The following ZNF814 variants were observed in gnomAD, a reference collection of about 807,000 sequenced individuals.
ZNF814 encodes zinc finger protein 814.
A neutral mutation model predicts 7.5 loss-of-function variants in ZNF814; 5 were observed. The ratio of observed to expected loss-of-function variants is 0.67; its 90% CI spans 0.35 to 1.40. ZNF814 has a LOEUF of 1.40. ZNF814 is among the 40% of genes most tolerant of loss of function. The probability of loss-of-function intolerance (pLI) is 0.04; values close to 1 mark genes in which losing one functional copy is unlikely to be tolerated. For missense variants in ZNF814, 962 were observed against 1,018.0 expected, an observed-to-expected ratio of 0.94 and a Z score of 0.75; for synonymous variants, 315 against 340.7, an observed-to-expected ratio of 0.92 and a Z score of 0.83.
chr19:57,883,448 G>T (rs2071664729), intron 1 of ZNF814, among the ~76,000 whole-genome samples: 1 of 151,726 alleles, frequency 6.6e-6, no homozygotes, highest in Non-Finnish European at 1.5e-5. Context: ...GGATCATGAG[G>T]TCAAGAGATC....
the ZNF814 span, among the ~76,000 whole-genome samples, chr19:57,904,335 G>A: frequency 6.6e-6 from 1 of 152,078 alleles, no homozygotes; most frequent in Non-Finnish European, 1.5e-5. Flanking sequence ...CTAGAGCTCA[G>A]GGCCTTTGCA....
At chr19:57,897,282 C>T in the ZNF814 span, among the ~76,000 whole-genome samples, 2 of 152,090 alleles carry the variant, frequency 1.3e-5, no homozygotes, top group African/African-American at 4.8e-5. Context: ...TTGGGGGTAA[C>T]TTACACAAGG....
intron 1 of ZNF814, among the ~76,000 whole-genome samples, chr19:57,887,387 T>C (rs1568522098): frequency 6.6e-6 from 1 of 152,194 alleles, no homozygotes. Flanking sequence ...TGCAGGCCAA[T>C]TGCCCACCAA....
upstream of ZNF814, among the ~76,000 whole-genome samples, chr19:57,893,156 C>A (rs941033667): frequency 6.8e-6 from 1 of 147,158 alleles, no homozygotes; most frequent in African/African-American, 2.5e-5. Context: ...GTAAGAATTT[C>A]TTTTTTGTTA....
chr19:57,878,479 G>A (rs913378470), intron 1 of ZNF814, among the ~76,000 whole-genome samples: 1 of 70,316 alleles, frequency 1.4e-5, no homozygotes, highest in Non-Finnish European at 2.8e-5. Context: ...TTTTTTTTTT[G>A]TGATGGAGTC....
Position 57,874,755 on chromosome 19 carries a change from G to C in ZNF814, c.635C>G (p.Ala212Gly). Reference sequence around the variant, plus strand: ...CATGGATTCTCCACAGCTGTAGTGAGCTCCCCCACACTGAATGGGAGACAC... The same window carrying C: ...CATGGATTCTCCACAGCTGTAGTGACCTCCCCCACACTGAATGGGAGACAC... The part of the protein sequence containing the change: ...ECVSPIQCGG[A>G]HYSCGESMKH... The change falls in exon 3 of 3, where the codon GCT becomes GGT. Residue 212 changes from alanine to glycine, a missense_variant. This residue lies in a region of ZNF814 where 126 missense variants were observed against 123.5 expected (regional missense o/e 1.02). Transcript: ENST00000435989. 2.5e-6 allele frequency: 4 copies of C among 1,613,276 alleles called. No homozygotes were observed. The highest frequency in any genetic ancestry group is 3.4e-6 in the Non-Finnish European group (4 of 1,179,594).
At chr19:57,897,716 A>G in the ZNF814 span, among the ~76,000 whole-genome samples, 3 of 152,196 alleles carry the variant, frequency 2.0e-5, no homozygotes, top group Non-Finnish European at 2.9e-5. Flanking sequence ...GAAGGTCCCC[A>G]TGGGTGTTAG....
intron 1 of ZNF814, among the ~76,000 whole-genome samples, chr19:57,879,575 G>A (rs979984802): frequency 1.0e-4 from 15 of 147,376 alleles, no homozygotes; most frequent in African/African-American, 3.7e-4. Flanking sequence ...CTCCAAAATG[G>A]GACCCATGGC....
the ZNF814 span, among the ~76,000 whole-genome samples, chr19:57,899,994 C>T: frequency 3.3e-5 from 5 of 152,174 alleles, no homozygotes; most frequent in Non-Finnish European, 7.3e-5. Flanking sequence ...GTTTTGTTGG[C>T]ATTCTTGATA....
At chr19:57,880,641 C>G (rs1449679543) in intron 1 of ZNF814, among the ~76,000 whole-genome samples, 1 of 129,434 alleles carries the variant, frequency 7.7e-6, no homozygotes, top group Non-Finnish European at 1.5e-5. Flanking sequence ...GAGTCTCGCT[C>G]TGTCACCAGG....
Position 57,873,976 on chromosome 19 carries a change from A to C in ZNF814, c.1414T>G (p.Ser472Ala). The C allele has an allele frequency of 6.2e-7, 1 of 1,613,948 alleles. No homozygotes were observed. The highest frequency in any genetic ancestry group is 1.7e-5 in the Admixed American group (1 of 60,000). The change falls in exon 3 of 3, where the codon TCT becomes GCT. Residue 472 changes from serine (S) to alanine (A), a missense_variant. This residue lies in a region of ZNF814 where 665 missense variants were observed against 551.4 expected (regional missense o/e 1.21). Transcript: ENST00000435989. ...ACAAGGCTGCGCTTATGACTGAAAG[A>C]TTTCACACATTCTCCACACTTGAAA... ...RPFKCGECVK[S>A]FSHKRSLVHH... is the part of the protein sequence containing the mutation.
rs955529818 is a variant in ZNF814, at chr19:57,879,156, T to C, written c.37-2114A>G. On this transcript the variant is annotated intron_variant, in intron 1 of 2. Transcript: ENST00000435989. ...ATATTACCACAGAACTGCAATTCTA[T>C]TGGATCCTAAAAGGAGCGGTGGTCT... 2.2e-4 allele frequency among the ~76,000 whole-genome samples: 32 copies of C among 146,890 alleles called. 1 individual carries two copies. The highest frequency in any genetic ancestry group is 1.5e-5 in the Non-Finnish European group (1 of 67,064).
Position 57,873,628 on chromosome 19 carries a change from T to C in ZNF814, c.1762A>G (p.Ile588Val), listed in dbSNP as rs765927088. ...CGCTGATGGCTCCTAAGGTGCCCGA[T>C]TGAACTAAAAGATTTCCCACATTCT... The part of the protein sequence containing the change: ...CGECGKSFSS[I>V]GHLRSHQRVH... Residue 588 changes from isoleucine to valine, a missense_variant, in exon 3 of 3, where the codon ATC (isoleucine) becomes GTC (valine). Coordinates refer to ENST00000435989, the MANE Select transcript of ZNF814 (RefSeq NM_001144989.2). 4.8e-5 allele frequency: 78 copies of C among 1,613,862 alleles called. 1 individual carries two copies. The highest frequency in any genetic ancestry group is 6.7e-5 in the African/African-American group (5 of 74,940).
chr19:57,901,017 T>G, the ZNF814 span, among the ~76,000 whole-genome samples: 2 of 151,720 alleles, frequency 1.3e-5, no homozygotes, highest in African/African-American at 4.8e-5. Context: ...CGGCTAATTT[T>G]TTTTGTATTT....
chr19:57,874,300 A>G lies in ZNF814; in HGVS notation c.1090T>C (p.Tyr364His), dbSNP rs1425113476. The G allele has an allele frequency of 6.3e-7, 1 of 1,595,040 alleles. No individual in the cohort carries two copies. Among genetic ancestry groups the G allele is most frequent in the Non-Finnish European group, 8.5e-7 (1 of 1,172,090 alleles). ...CGECGKSFSK[Y>H]VSFSNHQRVH... Reference sequence around the variant, plus strand: ...CTCTGATGATTACTGAAGCTAACATATTTGCTAAAGGATTTCCCACATTCT... The same window carrying G: ...CTCTGATGATTACTGAAGCTAACATGTTTGCTAAAGGATTTCCCACATTCT... Residue 364 changes from tyrosine to histidine, a missense_variant, in exon 3 of 3, where the codon TAT becomes CAT. By Grantham distance (83) the Tyr-to-His change is moderately conservative (BLOSUM62 2). Around this residue, in one of 7 missense-constraint regions of ZNF814, gnomAD observed 0 missense variants for 21.6 expected, o/e 0.00. Transcript: ENST00000435989.
At position 57,873,710 on chromosome 19, in the gene ZNF814, T is replaced by C; in HGVS notation, c.1680A>G (p.Lys560=). 6.2e-7 allele frequency: 1 copy of C among 1,612,840 alleles called. No individual in the cohort carries two copies. Among genetic ancestry groups the C allele is most frequent in the East Asian group, 2.2e-5 (1 of 44,736 alleles). ...CTCGCTGATGTAGAATGAGGGTGCC[T>C]TTATGACTAAAAGATTTCCCACACT... The part of the protein sequence containing the change: ...CGECGKSFSH[K]GTLILHQRVH... Residue 560 remains lysine (K), a synonymous_variant, in exon 3 of 3, where the codon AAA becomes AAG. Coordinates refer to ENST00000435989, the MANE Select transcript of ZNF814 (RefSeq NM_001144989.2).
At chr19:57,876,775 A>C in intron 2 of ZNF814, 141 bp downstream of exon 2, 1 of 1,416,180 alleles carries the variant, frequency 7.1e-7, no homozygotes, top group Non-Finnish European at 9.5e-7. Flanking sequence ...TACACCTCAG[A>C]CCTACCAACC....
chr19:57,893,698 C>T (rs1042945650), upstream of ZNF814, among the ~76,000 whole-genome samples: 3 of 151,378 alleles, frequency 2.0e-5, no homozygotes, highest in Admixed American at 6.6e-5. Context: ...GTGGGCAGAT[C>T]ACTTGAGGCC....
At chr19:57,899,039 C>T in the ZNF814 span, among the ~76,000 whole-genome samples, 3 of 152,048 alleles carry the variant, frequency 2.0e-5, no homozygotes, top group Admixed American at 6.6e-5. Context: ...GGGCTCACTG[C>T]AACCAGGGCT....
Sources: allele counts gnomAD v4.1 joint callset (sites outside exome capture counted in the v4.1 genomes callset), GRCh38; gene constraint gnomAD v4.1.1; regional missense constraint gnomAD v4.1.1; transcripts MANE v1.5; gene names NCBI Gene and HGNC (gene_info 2026-07-23, HGNC 2026-07-21).